The following HPS1 variants were observed in gnomAD, a reference collection of about 807,000 sequenced individuals.
HPS1 encodes BLOC-3 complex member HPS1.
HPS1 carries 59 observed loss-of-function variants against 90.6 expected under a neutral mutation model. The ratio of observed to expected loss-of-function variants is 0.65; its 90% CI spans 0.53 to 0.81. HPS1 has a LOEUF of 0.81. HPS1 is among the 30% of genes least tolerant of loss of function. HPS1 has a pLI of 0.00. For missense variants in HPS1, 849 were observed against 896.7 expected (o/e 0.95, Z 0.68); for synonymous variants, 388 against 384.4 (o/e 1.01, Z -0.11).
chr10:98,423,142 G>C (rs367999807), intron 16 of HPS1, among the ~76,000 whole-genome samples: 166 of 152,276 alleles, frequency 1.1e-3, no homozygotes, highest in African/African-American at 3.7e-3. Flanking sequence ...ATAATAAAAG[G>C]GTCAAATAGT....
Position 98,443,256 on chromosome 10 carries a change from A to G in HPS1, c.1-16T>C, listed in dbSNP as rs539502910. 1 of 1,589,132 alleles carries G rather than the reference A, an allele frequency of 6.3e-7. No homozygotes were observed. The highest frequency in any genetic ancestry group is 2.2e-5 in the East Asian group (1 of 44,770). On this transcript the variant is annotated splice_polypyrimidine_tract_variant and intron_variant, in intron 2 of 19. Coordinates refer to ENST00000361490, the MANE Select transcript of HPS1 (RefSeq NM_000195.5). ...CGCACTTCATCTGCCAGGGAAAGGC[A>G]AGGTCAAGGTCAGCCTCCAGCCCCA...
rs766916064 is a variant in HPS1, at chr10:98,425,514, T to A, written c.1335+27A>T. ...CTGCCAGCCCTGCCTCTTCCCCAGG[T>A]GGGGAGGACTGGAACTTGGGTCTCA... On this transcript the variant is annotated intron_variant, in intron 13 of 19. Transcript: ENST00000361490. 3.9e-5 allele frequency: 63 copies of A among 1,595,802 alleles called. No homozygotes were observed. In the South Asian group the frequency reaches 7.2e-4, roughly 18 times the overall value.
chr10:98,441,008 T>C (rs1251115896), intron 3 of HPS1, among the ~76,000 whole-genome samples: 2 of 152,252 alleles, frequency 1.3e-5, no homozygotes, highest in African/African-American at 4.8e-5. Context: ...TCTGATATCT[T>C]GTGTTTGCCT....
chr10:98,443,141 C>CT lies in HPS1; in HGVS notation c.99dup (p.Glu34ArgfsTer3). ...GCACTCACCTCTTCTTCCTCATTCT[C>CT]TGACTGCCCGAACTTCAGCCGGAGA... On this transcript the variant is annotated frameshift_variant, in exon 3 of 20. Coordinates refer to ENST00000361490, the MANE Select transcript of HPS1 (RefSeq NM_000195.5). LOFTEE classifies it high-confidence loss of function. 6.2e-7 allele frequency: 1 copy of CT among 1,613,386 alleles called. No individual in the cohort carries two copies. The highest frequency in any genetic ancestry group is 8.5e-7 in the Non-Finnish European group (1 of 1,179,346).
At chr10:98,439,210 C>T (rs1276542598) in intron 3 of HPS1, among the ~76,000 whole-genome samples, 1 of 152,240 alleles carries the variant, frequency 6.6e-6, no homozygotes, top group Non-Finnish European at 1.5e-5. Flanking sequence ...CACCTCCACA[C>T]AGAGTCCCCA....
chr10:98,420,012 C>A (rs1844642447), intron 18 of HPS1, 33 bp downstream of exon 18: 1 of 1,318,572 alleles, frequency 7.6e-7, no homozygotes. Flanking sequence ...GTGTGTGTGG[C>A]CCGTCCTGGC....
Position 98,443,168 on chromosome 10 carries a change from T to C in HPS1, c.73A>G (p.Ser25Gly), listed in dbSNP as rs1389709627. Reference sequence around the variant, plus strand: ...GACTGCCCGAACTTCAGCCGGAGACTCTCTTCAAACTCCTGATCTGTCCAG... The same window carrying C: ...GACTGCCCGAACTTCAGCCGGAGACCCTCTTCAAACTCCTGATCTGTCCAG... ...FYWTDQEFEE[S>G]LRLKFGQSEN... Residue 25 changes from serine to glycine, a missense_variant, in exon 3 of 20, where the codon AGT (serine) becomes GGT (glycine). Transcript: ENST00000361490. 1 of 1,613,968 alleles carries C rather than the reference T, an allele frequency of 6.2e-7. No homozygotes were observed.
rs1162590132 is a variant in HPS1, at chr10:98,416,250, G to A, written c.*1314C>T. 1.3e-5 allele frequency: 2 copies of A among 152,394 alleles called. No individual in the cohort carries two copies. The highest frequency in any genetic ancestry group is 4.8e-5 in the African/African-American group (2 of 41,540). The allele number at this position is 152,394 out of a possible 1,614,324, so 9.4% of individuals were successfully genotyped here. ...TATTTATTATATAGAAAGATCAAGG[G>A]GACTGGTTAAACTAGACATATCACA... is the stretch of plus-strand genomic sequence containing the variant. On this transcript the variant is annotated 3_prime_UTR_variant, in exon 20 of 20. Coordinates refer to ENST00000361490, the MANE Select transcript of HPS1 (RefSeq NM_000195.5).
downstream of HPS1, chr10:98,414,948 G>A (rs574708969): frequency 5.7e-6 from 9 of 1,568,656 alleles, no homozygotes; most frequent in African/African-American, 2.7e-5. Context: ...TCCCCACCAA[G>A]CTCTGAGCAG....
downstream of HPS1, chr10:98,415,100 C>A: frequency 6.2e-7 from 1 of 1,614,002 alleles, no homozygotes; most frequent in African/African-American, 1.3e-5. Context: ...GAGAGGCGGC[C>A]ACAGCCTTGC....
chr10:98,431,047 A>G, intron 7 of HPS1, 84 bp downstream of exon 7: 1 of 1,404,834 alleles, frequency 7.1e-7, no homozygotes, highest in Non-Finnish European at 9.9e-7. Context: ...TTGGCTGGGC[A>G]GGTGGTGCTT....
At chr10:98,439,899 A>C (rs1209944981) in intron 3 of HPS1, among the ~76,000 whole-genome samples, 1 of 152,128 alleles carries the variant, frequency 6.6e-6, no homozygotes, top group African/African-American at 2.4e-5. Context: ...GAATCATGGG[A>C]GCAGTTTCCC....
intron 14 of HPS1, 79 bp from the exon 15 acceptor site, chr10:98,423,966 G>A (rs1196135517): frequency 1.3e-6 from 2 of 1,569,384 alleles, no homozygotes; most frequent in Non-Finnish European, 1.7e-6. Flanking sequence ...CCTTGTTCCT[G>A]CACCCAGGAC....
At chr10:98,420,688 C>A (rs1445168152) in intron 17 of HPS1, among the ~76,000 whole-genome samples, 5 of 151,924 alleles carry the variant, frequency 3.3e-5, no homozygotes, top group African/African-American at 4.8e-5. Flanking sequence ...TGCACTCTAG[C>A]CTGGGTGACA....
Position 98,429,585 on chromosome 10 carries a change from C to T in HPS1, c.925G>A (p.Asp309Asn), listed in dbSNP as rs778660653. Residue 309 changes from aspartate to asparagine, a missense_variant, in exon 10 of 20, where the codon GAT becomes AAT. By Grantham distance (23) the Asp-to-Asn change is conservative (BLOSUM62 1). Coordinates refer to ENST00000361490, the MANE Select transcript of HPS1 (RefSeq NM_000195.5). ...CTCCGGTCCTCACCTGAGCTCTGAT[C>T]GCCAGGGGAAGGAGCTGGTGTGAAG... ...EYFTPAPSPG[D>N]QSSGSTIWLE... The T allele has an allele frequency of 5.0e-6, 8 of 1,614,062 alleles. No individual in the cohort carries two copies. The highest frequency in any genetic ancestry group is 2.2e-5 in the East Asian group (1 of 44,884).
chr10:98,426,699 G>A (rs1033398872), intron 11 of HPS1, among the ~76,000 whole-genome samples: 32 of 151,876 alleles, frequency 2.1e-4, no homozygotes, highest in African/African-American at 7.3e-4. Context: ...AATGAAACAC[G>A]TTAGTATCCA....
intron 14 of HPS1, 29 bp downstream of exon 14, chr10:98,424,284 C>T (rs1236160245): frequency 3.2e-6 from 5 of 1,578,900 alleles, no homozygotes; most frequent in African/African-American, 1.3e-5. Flanking sequence ...GCACACGACC[C>T]ACCCCTTGTC....
chr10:98,421,504 G>A (rs1380975311), intron 17 of HPS1, among the ~76,000 whole-genome samples: 2 of 152,208 alleles, frequency 1.3e-5, no homozygotes, highest in Non-Finnish European at 2.9e-5. Flanking sequence ...AATGGCATGA[G>A]GGAAAGCATC....
chr10:98,428,990 T>G (rs1005355089), intron 10 of HPS1, among the ~76,000 whole-genome samples: 1 of 151,918 alleles, frequency 6.6e-6, no homozygotes, highest in Non-Finnish European at 1.5e-5. Context: ...TACAGGCGCC[T>G]GCCACCAGAC....
Sources: allele counts gnomAD v4.1 joint callset (sites outside exome capture counted in the v4.1 genomes callset), GRCh38; gene constraint gnomAD v4.1.1; transcripts MANE v1.5; gene names NCBI Gene and HGNC (gene_info 2026-07-23, HGNC 2026-07-21).